Variants in PLEKHG5 observed in about 807,000 individuals in gnomAD.
PLEKHG5 encodes the protein pleckstrin homology domain-containing family G member 5.
Under a neutral mutation model 103.8 loss-of-function variants are expected in PLEKHG5, and 52 were observed. The ratio of observed to expected loss-of-function variants is 0.50; its 90% CI spans 0.40 to 0.63. The LOEUF is 0.63. Ranked by LOEUF, PLEKHG5 falls within the 30% of genes least tolerant of loss-of-function variation. The pLI is 0.00. For missense variants in PLEKHG5, 1,205 were observed against 1,347.6 expected (o/e 0.89, Z 1.66); for synonymous variants, 592 against 575.5 (o/e 1.03, Z -0.41).
At chr1:6,500,548 C>A (rs72634731), upstream of PLEKHG5, among the ~76,000 whole-genome samples, 1 of 151,140 alleles carries the variant, frequency 6.6e-6, no homozygotes, top group East Asian at 1.9e-4. Flanking sequence ...AACCTGGAAC[C>A]CTGAACCTCC....
chr1:6,487,021 GTT>G lies in PLEKHG5; in HGVS notation c.-88+4614_-88+4615del, dbSNP rs1223443375. Among the ~76,000 whole-genome samples, 1 of 152,176 alleles carries G rather than the reference GTT, an allele frequency of 6.6e-6. No individual in the cohort carries two copies. Among genetic ancestry groups the G allele is most frequent in the East Asian group, 1.9e-4 (1 of 5,194 alleles). On this transcript the variant is annotated intron_variant, in intron 1 of 20. Transcript: ENST00000377728. The surrounding 1 kb of genome is among the most constrained non-coding windows in gnomAD (Gnocchi z 4.1). The stretch of plus-strand genomic sequence containing the variant: ...GAGATGGCTTTGGGAGGGCAGCAGC[GTT>G]TTATTAGAGGCTGGGAGACTTCCAG...
chr1:6,517,827 G>A (rs1054724722), intron 1 of PLEKHG5, among the ~76,000 whole-genome samples: 2 of 152,236 alleles, frequency 1.3e-5, no homozygotes, highest in South Asian at 2.1e-4. Flanking sequence ...CGCTGGGGCC[G>A]GGATGTTTCC....
chr1:6,467,604 T>TTGGAA (rs1644419673), intron 20 of PLEKHG5, 32 bp from the exon 21 acceptor site: 1 of 1,611,242 alleles, frequency 6.2e-7, no homozygotes, highest in South Asian at 1.1e-5. Flanking sequence ...GAGTCCTTCT[T>TTGGAA]TGGCTGACGC....
intron 1 of PLEKHG5, among the ~76,000 whole-genome samples, chr1:6,515,124 T>C (rs941745609): frequency 4.0e-5 from 6 of 151,200 alleles, no homozygotes; most frequent in Admixed American, 2.0e-4. Context: ...CAGCTACAAA[T>C]AGACAATGTG....
At chr1:6,477,990 C>G (rs932787030) in intron 1 of PLEKHG5, among the ~76,000 whole-genome samples, 4 of 152,182 alleles carry the variant, frequency 2.6e-5, no homozygotes, top group Non-Finnish European at 5.9e-5. Flanking sequence ...ACGCAATTCT[C>G]CTGCCTCAGC....
chr1:6,468,636 T>C, intron 19 of PLEKHG5, 50 bp from the exon 20 acceptor site: 1 of 1,604,886 alleles, frequency 6.2e-7, no homozygotes, highest in Non-Finnish European at 8.5e-7. Flanking sequence ...CTAGATGGCC[T>C]GAGGCAGCCC....
chr1:6,474,590 G>C lies in PLEKHG5; in HGVS notation c.303-3C>G, dbSNP rs781384419. 1 of 1,613,312 alleles carries C rather than the reference G, an allele frequency of 6.2e-7. No individual in the cohort carries two copies. Among genetic ancestry groups the C allele is most frequent in the South Asian group, 1.1e-5 (1 of 91,082 alleles). On this transcript the variant is annotated splice_region_variant and splice_polypyrimidine_tract_variant and intron_variant, in intron 5 of 20. Coordinates refer to ENST00000377728, the MANE Select transcript of PLEKHG5 (RefSeq NM_020631.6). ...CAAATACAGGCAGCAGCACCTCCCT[G>C]CCCCCAGGACAGGAGGCATGTGTGT...
rs376637997 is a variant in PLEKHG5 at position 6,469,239 on chromosome 1, G to A, written c.2052C>T (p.Asn684=). Residue 684 remains asparagine (N), a splice_region_variant and synonymous_variant, in exon 19 of 21, where the codon AAC becomes AAT. Coordinates refer to ENST00000377728, the MANE Select transcript of PLEKHG5 (RefSeq NM_020631.6). ...CCTGTGCACGCAGCTGTTGCAGCTG[G>A]TTCTGCAGGCAAGGTTGGGGTACAT... ...GWVDTIYNAQ[N]QLQQLRAQEP... The A allele has an allele frequency of 1.9e-6, 3 of 1,613,818 alleles. No homozygotes were observed. The Admixed American group carries it at 5.0e-5, about 27-fold the overall frequency.
At chr1:6,508,970 C>T (rs901965326) in intron 1 of PLEKHG5, among the ~76,000 whole-genome samples, 2 of 152,214 alleles carry the variant, frequency 1.3e-5, no homozygotes, top group Non-Finnish European at 2.9e-5. Flanking sequence ...TAGGCCTGGC[C>T]CTCCTCACCC....
rs1638297112 is a variant in PLEKHG5 at position 6,505,691 on chromosome 1, A to G, written c.-164-9122T>C. On this transcript the variant is annotated intron_variant, in intron 1 of 21. Transcript: ENST00000377740. This position sits in a 1 kb window ranked among gnomAD's most constrained non-coding sequence, Gnocchi z 4.2. ...CATCTCATTACACCACCCAGCCCTG[A>G]GAAAACACCATGGCCTGATCTTGCG... is the stretch of plus-strand genomic sequence containing the variant. Among the ~76,000 whole-genome samples, 1 of 152,246 alleles carries G rather than the reference A, an allele frequency of 6.6e-6. No homozygotes were observed. The highest frequency in any genetic ancestry group is 2.1e-4 in the South Asian group (1 of 4,830).
chr1:6,508,074 T>C (rs1638372801), intron 1 of PLEKHG5, among the ~76,000 whole-genome samples: 1 of 152,102 alleles, frequency 6.6e-6, no homozygotes, highest in African/African-American at 2.4e-5. Flanking sequence ...CTGGTTATTA[T>C]TTTAGGACAG....
Position 6,471,564 on chromosome 1 carries a change from A to G in PLEKHG5, c.1205T>C (p.Met402Thr). The change falls in exon 12 of 21, where the codon ATG becomes ACG. Residue 402 changes from methionine (M) to threonine (T), a missense_variant. Transcript: ENST00000377728. The stretch of plus-strand genomic sequence containing the variant: ...CCGCGCCTTCTCCAGCACCGGCGCC[A>G]TCACGCTAGCCCACAGCCTGCGGTG... ...QLHRRLWASV[M>T]APVLEKARRT... The G allele has an allele frequency of 6.2e-7, 1 of 1,603,694 alleles. No homozygotes were observed. Among genetic ancestry groups the G allele is most frequent in the Non-Finnish European group, 8.5e-7 (1 of 1,176,224 alleles).
chr1:6,516,333 G>A (rs1638609492), intron 1 of PLEKHG5, among the ~76,000 whole-genome samples: 1 of 152,110 alleles, frequency 6.6e-6, no homozygotes, highest in Non-Finnish European at 1.5e-5. Flanking sequence ...TAAAATTTCA[G>A]GCATATCCAT....
intron 1 of PLEKHG5, chr1:6,485,730 T>A: frequency 3.6e-6 from 1 of 278,126 alleles, no homozygotes; most frequent in Non-Finnish European, 5.2e-6. Context: ...ACCCGGGGAC[T>A]CCACACCCCT....
chr1:6,496,818 C>T (rs1569977885), upstream of PLEKHG5: 5 of 568,928 alleles, frequency 8.8e-6, no homozygotes, highest in East Asian at 1.6e-4. Context: ...AAATACGCTG[C>T]TCTCTCCCTC....
At chr1:6,497,433 G>A (rs1025771215), upstream of PLEKHG5, 45 of 819,504 alleles carry the variant, frequency 5.5e-5, no homozygotes, top group Non-Finnish European at 6.3e-5. The surrounding 1 kb of genome is among the most constrained non-coding windows in gnomAD (Gnocchi z 6.1). Flanking sequence ...ACGGGAGGCG[G>A]GCGGGGCAGG....
At chr1:6,519,859 C>T (rs1638725670) in exon 1 of PLEKHG5, 2 of 395,160 alleles carry the variant, frequency 5.1e-6, no homozygotes, top group Admixed American at 7.6e-5. Flanking sequence ...CATTTGCGCC[C>T]TGGAATGGGC....
intron 16 of PLEKHG5, 121 bp downstream of exon 16, chr1:6,470,115 T>A (rs1430002112): frequency 8.8e-7 from 1 of 1,135,192 alleles, no homozygotes; most frequent in Non-Finnish European, 1.3e-6. Flanking sequence ...TCATTCACTA[T>A]GACAAGGTCA....
In PLEKHG5 at chr1:6,519,702, C is replaced by CG; in HGVS notation, c.-423dup. 7 of 634,194 alleles carry CG rather than the reference C, an allele frequency of 1.1e-5. No individual in the cohort carries two copies. In the South Asian group the frequency reaches 1.3e-4, roughly 12 times the overall value. 39.3% of individuals were successfully genotyped at this position (634,194 alleles called of 1,614,324 possible). On this transcript the variant is annotated 5_prime_UTR_variant, in exon 1 of 22. Coordinates refer to the PLEKHG5 transcript ENST00000377740. Reference sequence around the variant, plus strand: ...GACCTGTCTGCACAGAAAACCAAGGCGCTCTCAGCCCTGCCAATTTGCTCC... The same window carrying CG: ...GACCTGTCTGCACAGAAAACCAAGGCGGCTCTCAGCCCTGCCAATTTGCTCC...
Sources: allele counts gnomAD v4.1 joint callset (sites outside exome capture counted in the v4.1 genomes callset), GRCh38; gene constraint gnomAD v4.1.1; non-coding constraint Gnocchi (gnomAD v3.1); transcripts MANE v1.5; gene names NCBI Gene and HGNC (gene_info 2026-07-23, HGNC 2026-07-21).